Variants in ZDHHC20 observed in about 807,000 individuals in gnomAD.
ZDHHC20 encodes zDHHC palmitoyltransferase 20.
ZDHHC20 carries 43 observed loss-of-function variants against 57.8 expected under a neutral mutation model. The observed-to-expected ratio is 0.74, with a 90% CI of 0.58 to 0.96. The LOEUF is 0.96. ZDHHC20 is among the 40% of genes least tolerant of loss of function. The pLI is 0.00. For missense variants in ZDHHC20, 391 were observed against 441.1 expected (o/e 0.89, Z 1.02); for synonymous variants, 157 against 153.0 (o/e 1.03, Z -0.19).
At chr13:21,392,231 A>G (rs1875861403) in intron 7 of ZDHHC20, among the ~76,000 whole-genome samples, 1 of 151,856 alleles carries the variant, frequency 6.6e-6, no homozygotes, top group Admixed American at 6.6e-5. Flanking sequence ...AAAAAAAACA[A>G]TAGCAATACT....
At chr13:21,386,586 T>C (rs1593180815) in intron 9 of ZDHHC20, among the ~76,000 whole-genome samples, 1 of 152,222 alleles carries the variant, frequency 6.6e-6, no homozygotes, top group Admixed American at 6.5e-5. Flanking sequence ...TCTTGCTCTG[T>C]TGCCCAGGCT....
chr13:21,400,758 T>G (rs1877510371), intron 6 of ZDHHC20, among the ~76,000 whole-genome samples: 1 of 152,110 alleles, frequency 6.6e-6, no homozygotes, highest in Non-Finnish European at 1.5e-5. Context: ...TTGCCCAGGC[T>G]GGAGTGCAGT....
chr13:21,421,126 A>G lies in ZDHHC20; in HGVS notation c.184T>C (p.Phe62Leu), dbSNP rs1319930266. ...VVYLVAFHLF[F>L]VMFVWSYWMT... ...CAATAGGACCATACAAACATAACAA[A>G]GAACAGATGGAAAGCCACAAGGTAA... The change falls in exon 3 of 13, where the codon TTT (phenylalanine) becomes CTT (leucine). Residue 62 changes from phenylalanine (F) to leucine (L), a missense_variant. By Grantham distance (22) the Phe-to-Leu change is conservative (BLOSUM62 0). Coordinates refer to ENST00000400590, the MANE Select transcript of ZDHHC20 (RefSeq NM_001330059.2). 6.2e-7 allele frequency: 1 copy of G among 1,613,430 alleles called. No individual in the cohort carries two copies. Among genetic ancestry groups the G allele is most frequent in the Non-Finnish European group, 8.5e-7 (1 of 1,179,732 alleles).
At chr13:21,401,403 T>TA (rs1184643085) in intron 6 of ZDHHC20, among the ~76,000 whole-genome samples, 1 of 152,248 alleles carries the variant, frequency 6.6e-6, no homozygotes, top group African/African-American at 2.4e-5. Context: ...TGTTTGTATT[T>TA]AATAAATTCC....
At chr13:21,401,815 A>AACCTAGTTTCTG in intron 5 of ZDHHC20, 130 bp from the exon 6 acceptor site, 1 of 753,338 alleles carries the variant, frequency 1.3e-6, no homozygotes, top group Non-Finnish European at 2.0e-6. Context: ...CCCAGAAACT[A>AACCTAGTTTCTG]GGTTAGAGAT....
In ZDHHC20 at chr13:21,373,891, C is replaced by T. The variant is rs540526007; in HGVS notation, c.*2805G>A. ...CAGTTGAGCTAAATATTATTTAGAA[C>T]GTGGCAAAATGCTGGCTGTAAATTA... is the stretch of plus-strand genomic sequence containing the variant. On this transcript the variant is annotated 3_prime_UTR_variant, in exon 13 of 13. Coordinates refer to ENST00000400590, the MANE Select transcript of ZDHHC20 (RefSeq NM_001330059.2). 6.6e-6 allele frequency: 1 copy of T among 152,250 alleles called. No individual in the cohort carries two copies. The highest frequency in any genetic ancestry group is 2.1e-4 in the South Asian group (1 of 4,834). The allele number at this position is 152,250 out of a possible 1,614,324, so 9.4% of individuals were successfully genotyped here. A position where few individuals can be genotyped will look rare whatever the true frequency, so the allele number is the denominator to read the frequency against.
chr13:21,404,888 A>T (rs773161714), intron 4 of ZDHHC20, among the ~76,000 whole-genome samples: 1 of 152,220 alleles, frequency 6.6e-6, no homozygotes, highest in Admixed American at 6.5e-5. Flanking sequence ...ATTAATATAT[A>T]TAACAGGGAA....
intron 7 of ZDHHC20, 115 bp downstream of exon 7, chr13:21,400,258 C>A: frequency 1.0e-6 from 1 of 984,510 alleles, no homozygotes; most frequent in Non-Finnish European, 1.4e-6. Context: ...ATTTATAAAA[C>A]TCTAACTTGT....
Position 21,382,919 on chromosome 13 carries a change from C to T in ZDHHC20, c.944+1G>A, listed in dbSNP as rs769464750. On this transcript the variant is annotated splice_donor_variant, in intron 10 of 12. Coordinates refer to ENST00000400590, the MANE Select transcript of ZDHHC20 (RefSeq NM_001330059.2). LOFTEE classifies it high-confidence loss of function. ...GAAAAGCATAAGGACAATAAGCATACCTTCTGGCATACTCATTCTGGTTTG... is the reference window on the plus strand; with the variant it reads ...GAAAAGCATAAGGACAATAAGCATATCTTCTGGCATACTCATTCTGGTTTG... The T allele has an allele frequency of 2.6e-6, 4 of 1,556,626 alleles. No individual in the cohort carries two copies. In the South Asian group the frequency reaches 4.7e-5, roughly 18 times the overall value.
At chr13:21,420,694 A>G (rs933142878) in intron 3 of ZDHHC20, among the ~76,000 whole-genome samples, 16 of 152,258 alleles carry the variant, frequency 1.1e-4, no homozygotes, top group African/African-American at 3.9e-4. Context: ...CTTTAATTGC[A>G]GCATATCTGT....
chr13:21,431,592 A>G (rs1284786296), intron 1 of ZDHHC20, among the ~76,000 whole-genome samples: 1 of 152,244 alleles, frequency 6.6e-6, no homozygotes, highest in African/African-American at 2.4e-5. Context: ...AGTGTTTGGC[A>G]CTTCCACTTA....
chr13:21,436,802 T>C (rs1289928077), intron 1 of ZDHHC20, among the ~76,000 whole-genome samples: 5 of 152,096 alleles, frequency 3.3e-5, no homozygotes, highest in African/African-American at 1.2e-4. Context: ...CTAAGCTTAG[T>C]GAGAAAGACA....
intron 1 of ZDHHC20, among the ~76,000 whole-genome samples, chr13:21,441,492 T>C (rs1229732974): frequency 6.6e-6 from 1 of 150,962 alleles, no homozygotes; most frequent in Admixed American, 6.6e-5. Context: ...TTCACGCCAT[T>C]CTCTTGACTC....
At chr13:21,398,792 T>C (rs1250226326) in intron 7 of ZDHHC20, among the ~76,000 whole-genome samples, 1 of 152,214 alleles carries the variant, frequency 6.6e-6, no homozygotes, top group African/African-American at 2.4e-5. Flanking sequence ...GTCTTCCTCA[T>C]GTCTACTGGT....
intron 3 of ZDHHC20, among the ~76,000 whole-genome samples, chr13:21,419,113 AATTG>A (rs1880351819): frequency 6.6e-6 from 1 of 152,252 alleles, no homozygotes. Flanking sequence ...CACTACTAGT[AATTG>A]ATTAAATAAA....
At chr13:21,381,326 A>T (rs529623903) in intron 11 of ZDHHC20, 108 bp downstream of exon 11, 2 of 945,252 alleles carry the variant, frequency 2.1e-6, no homozygotes, top group East Asian at 5.3e-5. Context: ...AGTTTCACAT[A>T]TTTTAGTATT....
rs753816703 is a variant in ZDHHC20, at chr13:21,381,448, C to T, written c.1046G>A (p.Gly349Asp). 3.7e-6 allele frequency: 6 copies of T among 1,613,484 alleles called. No individual in the cohort carries two copies. In the South Asian group the frequency reaches 6.6e-5, roughly 18 times the overall value. Residue 349 changes from glycine (G) to aspartate (D), a missense_variant, in exon 11 of 13, where the codon GGC becomes GAC. Gly to Asp is a moderately conservative substitution (Grantham distance 94). Coordinates refer to ENST00000400590, the MANE Select transcript of ZDHHC20 (RefSeq NM_001330059.2). ...SQWLENGAEE[G>D]IVKSGTNNHV... ...AGAACTATTACCTGATTTGACGATG[C>T]CTTCTTCAGCTCCATTCTCCAGCCA...
chr13:21,450,086 G>A (rs1173570903), intron 1 of ZDHHC20, among the ~76,000 whole-genome samples: 2 of 152,050 alleles, frequency 1.3e-5, no homozygotes, highest in African/African-American at 4.8e-5. Context: ...GATGGAGAAT[G>A]ACTTTTCAAC....
chr13:21,442,957 T>G (rs1053830298), intron 1 of ZDHHC20, among the ~76,000 whole-genome samples: 1 of 152,198 alleles, frequency 6.6e-6, no homozygotes, highest in Non-Finnish European at 1.5e-5. Context: ...TGAGTTACAC[T>G]GATTTTCATG....
Sources: allele counts gnomAD v4.1 joint callset (sites outside exome capture counted in the v4.1 genomes callset), GRCh38; gene constraint gnomAD v4.1.1; transcripts MANE v1.5; gene names NCBI Gene and HGNC (gene_info 2026-07-23, HGNC 2026-07-21).